The following RYR3 variants were observed in gnomAD, a reference collection of about 807,000 sequenced individuals.
The protein encoded by RYR3 is brain ryanodine receptor-calcium release channel.
RYR3 carries 207 observed loss-of-function variants against 584.3 expected under a neutral mutation model. That is an observed-to-expected ratio of 0.35 (90% CI 0.32 to 0.40). RYR3 has a LOEUF of 0.40. Ranked by LOEUF, RYR3 falls within the 10% of genes least tolerant of loss-of-function variation. RYR3 has a pLI of 1.00. For missense variants in RYR3, 5,616 were observed against 6,089.2 expected, an observed-to-expected ratio of 0.92 and a Z score of 2.59; for synonymous variants, 2,416 against 2,248.5, an observed-to-expected ratio of 1.07 and a Z score of -2.11.
chr15:33,648,971 G>A, intron 30 of RYR3, 101 bp from the exon 31 acceptor site: 1 of 1,167,106 alleles, frequency 8.6e-7, no homozygotes, highest in South Asian at 1.7e-5. Context: ...AAAAAAGGGG[G>A]GGCCAAGTGA....
At chr15:33,824,501 C>T (rs2077273602) in intron 81 of RYR3, among the ~76,000 whole-genome samples, 1 of 152,138 alleles carries the variant, frequency 6.6e-6, no homozygotes, top group Non-Finnish European at 1.5e-5. Context: ...CCATGTTTTC[C>T]TCCCCTGACG....
intron 1 of RYR3, among the ~76,000 whole-genome samples, chr15:33,345,816 A>G (rs1972392966): frequency 6.6e-6 from 1 of 152,340 alleles, no homozygotes; most frequent in African/African-American, 2.4e-5. Context: ...AAGTTTAACC[A>G]TTACTGAAAT....
At chr15:33,586,247 A>G in intron 16 of RYR3, 131 bp downstream of exon 16, 1 of 660,058 alleles carries the variant, frequency 1.5e-6, no homozygotes, top group South Asian at 1.9e-5. Flanking sequence ...GAAACTGGAA[A>G]AAAGACTTTC....
intron 38 of RYR3, among the ~76,000 whole-genome samples, chr15:33,686,581 C>T (rs2065024911): frequency 1.3e-5 from 2 of 152,152 alleles, no homozygotes; most frequent in African/African-American, 4.8e-5. Flanking sequence ...TTTTATGAGG[C>T]CAGCATCATC....
intron 60 of RYR3, among the ~76,000 whole-genome samples, chr15:33,758,801 C>T (rs1274013036): frequency 2.0e-5 from 3 of 152,232 alleles, no homozygotes; most frequent in Admixed American, 6.5e-5. Flanking sequence ...TGCTAAGGGA[C>T]AGACTGCCTC....
At chr15:33,712,972 T>A (rs983248220) in intron 43 of RYR3, among the ~76,000 whole-genome samples, 2 of 152,206 alleles carry the variant, frequency 1.3e-5, no homozygotes, top group African/African-American at 4.8e-5. Context: ...CTTGTAGTTA[T>A]GATAGTTGTT....
rs2061302455 is a variant in RYR3 at position 33,632,201 on chromosome 15, G to C, written c.2868-748G>C. Reference sequence around the variant, plus strand: ...GAGCCCTGGTCTGTGGTTCATCACTGTTGGATTCTGGCCCTGGCCTAGGCA... The same window carrying C: ...GAGCCCTGGTCTGTGGTTCATCACTCTTGGATTCTGGCCCTGGCCTAGGCA... On this transcript the variant is annotated intron_variant, in intron 23 of 103. Coordinates refer to ENST00000634891, the MANE Select transcript of RYR3 (RefSeq NM_001036.6). Among the ~76,000 whole-genome samples the C allele has an allele frequency of 2.0e-5, 3 of 152,268 alleles. No homozygotes were observed. The South Asian group carries it at 6.2e-4, about 31-fold the overall frequency.
intron 12 of RYR3, among the ~76,000 whole-genome samples, chr15:33,574,483 T>C (rs2058193979): frequency 6.6e-6 from 1 of 152,134 alleles, no homozygotes; most frequent in African/African-American, 2.4e-5. Context: ...AGGTAGTCAT[T>C]TGCAAACACT....
intron 1 of RYR3, among the ~76,000 whole-genome samples, chr15:33,419,447 ACT>A (rs1398838233): frequency 1.3e-5 from 2 of 151,816 alleles, no homozygotes; most frequent in Non-Finnish European, 2.9e-5. Context: ...CAGACGTTAG[ACT>A]CTGTTGCCTC....
In RYR3 at chr15:33,797,315, C is replaced by T. The variant is rs151050536; in HGVS notation, c.9831-3455C>T. On this transcript the variant is annotated intron_variant, in intron 67 of 103. Coordinates refer to ENST00000634891, the MANE Select transcript of RYR3 (RefSeq NM_001036.6). ...GACCCACAGATCAGCTAGGTATCTA[C>T]AAGAAAATCAAGCGACTAAATATTG... Among the ~76,000 whole-genome samples the T allele has an allele frequency of 4.9e-4, 75 of 152,166 alleles. No homozygotes were observed. In the East Asian group the frequency reaches 5.4e-3, roughly 11 times the overall value.
intron 24 of RYR3, among the ~76,000 whole-genome samples, chr15:33,633,331 TGGTGAGGATGAAATGGAG>T (rs2152637840): frequency 6.6e-6 from 1 of 152,346 alleles, no homozygotes; most frequent in South Asian, 2.1e-4. Flanking sequence ...ACGTATCTAC[TGGTGAGGATGAAATGGAG>T]GGGAAGCTAG....
chr15:33,413,861 A>C (rs2043588727), intron 1 of RYR3, among the ~76,000 whole-genome samples: 1 of 152,200 alleles, frequency 6.6e-6, no homozygotes, highest in African/African-American at 2.4e-5. Context: ...TAATAGTCTT[A>C]ATAACTTAGA....
intron 1 of RYR3, among the ~76,000 whole-genome samples, chr15:33,459,535 G>A (rs925511742): frequency 1.2e-4 from 19 of 152,096 alleles, no homozygotes; most frequent in Admixed American, 1.1e-3. Context: ...CTTAATAGGT[G>A]GCAGAAACCT....
chr15:33,598,482 T>G (rs551832783), intron 16 of RYR3, among the ~76,000 whole-genome samples: 26 of 152,264 alleles, frequency 1.7e-4, no homozygotes, highest in Non-Finnish European at 3.5e-4. Context: ...TTCTGAGCAC[T>G]CTAAGTGTAA....
At chr15:33,605,125 A>G (rs949314440) in intron 18 of RYR3, among the ~76,000 whole-genome samples, 2 of 152,210 alleles carry the variant, frequency 1.3e-5, no homozygotes, top group African/African-American at 4.8e-5. Context: ...AGAGAAACTA[A>G]TCATTCTCAA....
chr15:33,577,145 A>G (rs2058340666), intron 12 of RYR3, among the ~76,000 whole-genome samples: 1 of 152,246 alleles, frequency 6.6e-6, no homozygotes, highest in East Asian at 1.9e-4. Flanking sequence ...AAAACACTCC[A>G]TGCTCATGGA....
intron 1 of RYR3, among the ~76,000 whole-genome samples, chr15:33,398,943 T>G: frequency 6.6e-6 from 1 of 152,126 alleles, no homozygotes; most frequent in East Asian, 1.9e-4. Flanking sequence ...CCTCTCAGAT[T>G]GTGGGGGCAT....
At chr15:33,683,595 T>G (rs1041350388) in intron 38 of RYR3, among the ~76,000 whole-genome samples, 3 of 152,168 alleles carry the variant, frequency 2.0e-5, no homozygotes, top group African/African-American at 7.2e-5. Flanking sequence ...TTTCTGCATT[T>G]CCAGATGAGG....
chr15:33,854,216 G>C (rs951821310), intron 96 of RYR3, among the ~76,000 whole-genome samples, 173 bp from the exon 97 acceptor site: 2 of 151,196 alleles, frequency 1.3e-5, no homozygotes, highest in Non-Finnish European at 2.9e-5. Flanking sequence ...AAAAATTCAG[G>C]CTATGTGATT....
Sources: gnomAD v4.1 joint callset for allele counts (sites outside exome capture counted in the v4.1 genomes callset) on GRCh38, gnomAD v4.1.1 for gene constraint, MANE v1.5 for transcripts, NCBI Gene and HGNC (gene_info 2026-07-23, HGNC 2026-07-21) for gene names.